The following QRICH1 variants were observed in gnomAD, a reference collection of about 807,000 sequenced individuals.
QRICH1 encodes the protein glutamine rich 1.
A neutral mutation model predicts 87.1 loss-of-function variants in QRICH1; 16 were observed. The ratio of observed to expected loss-of-function variants is 0.18; its 90% CI spans 0.12 to 0.28. The LOEUF (loss-of-function observed/expected upper bound fraction) is 0.28, where lower values mean the gene tolerates loss of function less well. QRICH1 is among the 10% of genes least tolerant of loss of function. QRICH1 has a pLI of 1.00. For synonymous variants in QRICH1, 367 were observed against 368.4 expected (o/e 1.00, Z 0.05); for missense variants, 647 against 951.7 (o/e 0.68, Z 4.21).
chr3:49,062,298 A>T (rs1575354902), intron 2 of QRICH1, among the ~76,000 whole-genome samples: 1 of 150,490 alleles, frequency 6.6e-6, no homozygotes, highest in African/African-American at 2.4e-5. Flanking sequence ...GCGCCACTAT[A>T]CCCAGCCCAG....
At position 49,030,217 on chromosome 3, in the gene QRICH1, C is replaced by T. The variant is rs778867464; in HGVS notation, c.*235G>A. On this transcript the variant is annotated 3_prime_UTR_variant, in exon 10 of 10. Transcript: ENST00000395443. ...AGAGTCAGCCAGCAACTTTCTAGGA[C>T]ATATGACACTCAAGGAAACCCAGAG... The T allele has an allele frequency of 1.1e-5, 6 of 550,276 alleles. No homozygotes were observed. Among genetic ancestry groups the T allele is most frequent in the Non-Finnish European group, 1.9e-5 (6 of 315,310 alleles). The allele number at this position is 550,276 out of a possible 1,614,324, so 34.1% of individuals were successfully genotyped here.
chr3:49,039,125 G>C (rs1339409469), intron 6 of QRICH1, among the ~76,000 whole-genome samples: 1 of 152,250 alleles, frequency 6.6e-6, no homozygotes, highest in Non-Finnish European at 1.5e-5. Context: ...AGGAGGCTGA[G>C]GCGGGTGGAT....
At position 49,033,085 on chromosome 3, in the gene QRICH1, AC is replaced by A. The variant is rs1450175045; in HGVS notation, c.1895+34del. On this transcript the variant is annotated intron_variant, in intron 7 of 9. Transcript: ENST00000395443. ...GGATAGCTTCCACACTCTTCACTGG[AC>A]AGATGCCAGCAGTGGAGCCTCTAGA... The A allele has an allele frequency of 5.0e-6, 7 of 1,402,318 alleles. No individual in the cohort carries two copies. The South Asian group carries it at 8.8e-5, about 18-fold the overall frequency. 86.9% of individuals were successfully genotyped at this position (1,402,318 alleles called of 1,614,324 possible). A position where few individuals can be genotyped will look rare whatever the true frequency, so the allele number is the denominator to read the frequency against.
chr3:49,051,590 C>CG (rs1553742527), intron 3 of QRICH1, among the ~76,000 whole-genome samples: 2 of 135,976 alleles, frequency 1.5e-5, no homozygotes, highest in South Asian at 2.8e-4. Flanking sequence ...CTGCGCCCCC[C>CG]CCCCCCTCCG....
rs1009589510 is a variant in QRICH1 at position 49,064,393 on chromosome 3, C to G, written c.310-6503G>C. Among the ~76,000 whole-genome samples, 4 of 151,924 alleles carry G rather than the reference C, an allele frequency of 2.6e-5. No homozygotes were observed. The East Asian group carries it at 5.8e-4, about 22-fold the overall frequency. Reference sequence around the variant, plus strand: ...AGTAGCTGGGATTATAGGTGCCCACCACCATGCCTGGCTGTTTTTTTGTTT... The same window carrying G: ...AGTAGCTGGGATTATAGGTGCCCACGACCATGCCTGGCTGTTTTTTTGTTT... On this transcript the variant is annotated intron_variant, in intron 2 of 9. Coordinates refer to ENST00000395443, the MANE Select transcript of QRICH1 (RefSeq NM_198880.3).
intron 2 of QRICH1, among the ~76,000 whole-genome samples, chr3:49,058,278 G>A (rs1241862298): frequency 6.6e-6 from 1 of 151,250 alleles, no homozygotes; most frequent in Non-Finnish European, 1.5e-5. Context: ...GCTTCCTAGA[G>A]TAGCTGGGAT....
Position 49,057,993 on chromosome 3 carries a change from G to GT in QRICH1, c.310-104dup, listed in dbSNP as rs2093413226. 1 of 1,582,200 alleles carries GT rather than the reference G, an allele frequency of 6.3e-7. No homozygotes were observed. Among genetic ancestry groups the GT allele is most frequent in the African/African-American group, 1.3e-5 (1 of 74,318 alleles). On this transcript the variant is annotated intron_variant, in intron 2 of 9. Transcript: ENST00000395443. The surrounding 1 kb of genome is among the most constrained non-coding windows in gnomAD (Gnocchi z 5.4). ...ATCCCAGACAGGGGACCTGCAAAAT[G>GT]TGAGAAAACACTGGCATACTCAAGG...
At chr3:49,047,314 G>A in intron 3 of QRICH1, 68 bp from the exon 4 acceptor site, 1 of 1,422,002 alleles carries the variant, frequency 7.0e-7, no homozygotes, top group South Asian at 1.3e-5. Flanking sequence ...AAAATTGCCA[G>A]AAAAATGTTA....
At chr3:49,086,040 T>C (rs1375782934) in intron 1 of QRICH1, among the ~76,000 whole-genome samples, 2 of 151,500 alleles carry the variant, frequency 1.3e-5, no homozygotes, top group Non-Finnish European at 2.9e-5. Context: ...ATGAGACTAA[T>C]AATGAAAAAA....
chr3:49,068,073 T>C (rs927237072), intron 2 of QRICH1, among the ~76,000 whole-genome samples: 4 of 152,238 alleles, frequency 2.6e-5, no homozygotes, highest in African/African-American at 9.6e-5. Flanking sequence ...TAAAATGAAA[T>C]GAGGTGCTAA....
intron 2 of QRICH1, among the ~76,000 whole-genome samples, chr3:49,073,972 G>A (rs1382252024): frequency 1.3e-5 from 2 of 151,290 alleles, no homozygotes; most frequent in Non-Finnish European, 2.9e-5. Context: ...TTGTAGAGAC[G>A]GGGTTTTGCC....
intron 3 of QRICH1, among the ~76,000 whole-genome samples, chr3:49,053,872 T>G (rs1163277650): frequency 6.6e-6 from 1 of 152,168 alleles, no homozygotes; most frequent in Non-Finnish European, 1.5e-5. Flanking sequence ...AGGGTTCAAC[T>G]TGACTGTCTT....
chr3:49,055,178 G>GTCA (rs1445106965), intron 3 of QRICH1, among the ~76,000 whole-genome samples: 1 of 152,088 alleles, frequency 6.6e-6, no homozygotes, highest in Admixed American at 6.6e-5. Flanking sequence ...ATATGATACT[G>GTCA]CCTCTATGAA....
intron 3 of QRICH1, among the ~76,000 whole-genome samples, chr3:49,050,791 A>T (rs2093366159): frequency 6.6e-6 from 1 of 152,118 alleles, no homozygotes; most frequent in African/African-American, 2.4e-5. Context: ...CCCCTCTAAG[A>T]CATCTAGCAC....
At chr3:49,084,500 A>G (rs765654539) in intron 1 of QRICH1, among the ~76,000 whole-genome samples, 2 of 151,994 alleles carry the variant, frequency 1.3e-5, no homozygotes, top group Non-Finnish European at 1.5e-5. Flanking sequence ...AGCGATCCAC[A>G]GCATCGGTCT....
intron 1 of QRICH1, chr3:49,093,589 G>C (rs1463414708): frequency 6.5e-6 from 1 of 153,178 alleles, no homozygotes; most frequent in African/African-American, 2.4e-5. Context: ...TCCTAGAGCA[G>C]AGATATCCGG....
At chr3:49,043,657 T>C (rs1044751422) in intron 6 of QRICH1, among the ~76,000 whole-genome samples, 12 of 152,092 alleles carry the variant, frequency 7.9e-5, no homozygotes, top group African/African-American at 2.4e-4. Flanking sequence ...CAAAAGCCTG[T>C]CTCTACTAAA....
chr3:49,037,744 A>C (rs1299920551), intron 6 of QRICH1, among the ~76,000 whole-genome samples: 2 of 151,156 alleles, frequency 1.3e-5, no homozygotes, highest in African/African-American at 4.9e-5. Context: ...AAAAAAAAAA[A>C]GGGCAGGGGA....
chr3:49,069,143 G>A (rs1306657563), intron 2 of QRICH1, among the ~76,000 whole-genome samples: 1 of 133,912 alleles, frequency 7.5e-6, no homozygotes, highest in Non-Finnish European at 1.6e-5. Flanking sequence ...TTGTTCTGTC[G>A]CCCAGGCTGG....
Sources: allele counts gnomAD v4.1 joint callset (sites outside exome capture counted in the v4.1 genomes callset), GRCh38; gene constraint gnomAD v4.1.1; non-coding constraint Gnocchi (gnomAD v3.1); transcripts MANE v1.5; gene names NCBI Gene and HGNC (gene_info 2026-07-23, HGNC 2026-07-21).